C8B: variants seen among roughly 807,000 people sequenced by gnomAD.
C8B encodes complement component C8 beta chain.
In C8B, 67 loss-of-function variants were observed where a neutral mutation model predicts 64.6. The ratio of observed to expected loss-of-function variants is 1.04; its 90% CI spans 0.85 to 1.27. The LOEUF (loss-of-function observed/expected upper bound fraction) is 1.27. C8B is among the 50% of genes most tolerant of loss of function. The pLI, the probability that C8B is intolerant of heterozygous loss-of-function variation, is 0.00. For synonymous variants in C8B, 284 were observed against 257.7 expected (o/e 1.10, Z -0.98); for missense variants, 790 against 725.2 (o/e 1.09, Z -1.03).
chr1:56,962,752 C>T (rs1645196069), intron 1 of C8B, among the ~76,000 whole-genome samples: 1 of 152,280 alleles, frequency 6.6e-6, no homozygotes, highest in Admixed American at 6.5e-5. Context: ...CCCACCTTAC[C>T]CCCAGAGGGG....
At chr1:56,943,871 T>A in intron 7 of C8B, 47 bp from the exon 8 acceptor site, 2 of 1,608,710 alleles carry the variant, frequency 1.2e-6, no homozygotes, top group Non-Finnish European at 1.7e-6. Flanking sequence ...GGTAGTTCAC[T>A]CTGTCCCTTT....
In C8B at chr1:56,964,274, A is replaced by T. The variant is rs150683548; in HGVS notation, c.92+1583T>A. On this transcript the variant is annotated intron_variant, in intron 1 of 11. Coordinates refer to ENST00000371237, the MANE Select transcript of C8B (RefSeq NM_000066.4). ...CCTAATATATATATTTGATCGTGTC[A>T]CTCCTTTGCTTCAACTCTTCAATGG... is the stretch of plus-strand genomic sequence containing the variant. Among the ~76,000 whole-genome samples the T allele has an allele frequency of 7.2e-3, 1,089 of 151,994 alleles. 11 individuals carry two copies. Among genetic ancestry groups the T allele is most frequent in the African/African-American group, 0.024 (996 of 41,430 alleles).
intron 8 of C8B, among the ~76,000 whole-genome samples, chr1:56,942,104 T>G (rs1313387647): frequency 6.6e-6 from 1 of 152,254 alleles, no homozygotes; most frequent in Non-Finnish European, 1.5e-5. Context: ...TGAATGCATT[T>G]GATCTTCACT....
intron 9 of C8B, among the ~76,000 whole-genome samples, chr1:56,934,434 T>G (rs1644747389): frequency 6.6e-6 from 1 of 152,106 alleles, no homozygotes; most frequent in African/African-American, 2.4e-5. Context: ...GTGGCATTAT[T>G]TGTGGGTTAG....
chr1:56,953,339 A>AT, intron 4 of C8B, among the ~76,000 whole-genome samples: 1 of 152,330 alleles, frequency 6.6e-6, no homozygotes, highest in Middle Eastern at 3.4e-3. Flanking sequence ...ATGTATACAT[A>AT]TTTATTTTCT....
chr1:56,958,661 G>A (rs535815902), intron 2 of C8B, among the ~76,000 whole-genome samples: 6 of 152,272 alleles, frequency 3.9e-5, no homozygotes, highest in South Asian at 2.1e-4. Flanking sequence ...GAACGTCTGC[G>A]GCAGACTCTG....
chr1:56,965,992 T>C lies in C8B; in HGVS notation c.-44A>G. ...GATGCCACAGAGGCTGCTAGACCCA[T>C]AACAAGCCTGTGCTGTGAGTGCCAC... On this transcript the variant is annotated 5_prime_UTR_variant, in exon 1 of 12. It removes an upstream start codon present in the reference 5' UTR. Coordinates refer to ENST00000371237, the MANE Select transcript of C8B (RefSeq NM_000066.4). 1.2e-6 allele frequency: 2 copies of C among 1,612,558 alleles called. No individual in the cohort carries two copies. The highest frequency in any genetic ancestry group is 8.5e-7 in the Non-Finnish European group (1 of 1,179,934).
At chr1:56,944,509 T>C (rs559994594) in intron 7 of C8B, among the ~76,000 whole-genome samples, 11 of 152,296 alleles carry the variant, frequency 7.2e-5, no homozygotes, top group Non-Finnish European at 1.0e-4. Flanking sequence ...AAAGTGCATT[T>C]CTTGAAACAT....
At chr1:56,945,789 T>G (rs780193302) in intron 7 of C8B, 32 bp downstream of exon 7, 2 of 1,613,872 alleles carry the variant, frequency 1.2e-6, no homozygotes, top group South Asian at 2.2e-5. Flanking sequence ...CCCCCAGCTT[T>G]TAGGAAAGCC....
intron 8 of C8B, among the ~76,000 whole-genome samples, chr1:56,941,484 G>T (rs1181523166): frequency 6.7e-6 from 1 of 149,156 alleles, no homozygotes; most frequent in Non-Finnish European, 1.5e-5. Context: ...ATAGATAATA[G>T]TAGATAATAG....
Position 56,933,346 on chromosome 1 carries a change from G to A in C8B, c.1541C>T (p.Pro514Leu), listed in dbSNP as rs1262020940. Residue 514 changes from proline to leucine, a missense_variant, in exon 10 of 12, where the codon CCT becomes CTT. Transcript: ENST00000371237. ...CCTGAAAGTGGTACCTTTCAGGACAGGGACTCCATTTCCTTGGCAGGGAGC... is the reference window on the plus strand; with the variant it reads ...CCTGAAAGTGGTACCTTTCAGGACAAGGACTCCATTTCCTTGGCAGGGAGC... ...HCAPCQGNGV[P>L]VLKGSRCDCI... The A allele has an allele frequency of 6.2e-7, 1 of 1,613,572 alleles. No homozygotes were observed. The highest frequency in any genetic ancestry group is 8.5e-7 in the Non-Finnish European group (1 of 1,179,674).
intron 4 of C8B, among the ~76,000 whole-genome samples, chr1:56,952,923 C>T (rs565552690): frequency 3.9e-5 from 6 of 152,336 alleles, no homozygotes; most frequent in Non-Finnish European, 8.8e-5. Flanking sequence ...GTCACCCTCA[C>T]TATACTGTGT....
chr1:56,962,549 T>TA (rs1645193767), intron 1 of C8B, among the ~76,000 whole-genome samples: 1 of 152,208 alleles, frequency 6.6e-6, no homozygotes. Context: ...CTTCTGTCAT[T>TA]AAAAATCCTC....
chr1:56,948,555 G>A (rs192669351), intron 6 of C8B, among the ~76,000 whole-genome samples: 81 of 152,310 alleles, frequency 5.3e-4, no homozygotes, highest in Non-Finnish European at 1.0e-3. Context: ...GTTTAACCAA[G>A]AGGTTAGAAG....
rs747647469 is a variant in C8B, at chr1:56,956,798, C to G, written c.362G>C (p.Arg121Pro). 4 of 1,613,914 alleles carry G rather than the reference C, an allele frequency of 2.5e-6. No homozygotes were observed. Among genetic ancestry groups the G allele is most frequent in the South Asian group, 1.1e-5 (1 of 91,078 alleles). Residue 121 changes from arginine (R) to proline (P), a missense_variant, in exon 3 of 12, where the codon CGA (arginine) becomes CCA (proline). Coordinates refer to ENST00000371237, the MANE Select transcript of C8B (RefSeq NM_000066.4). ...CTGTGCACACACAAAGCCTTCACAT[C>G]GCACTTGACTTCCGCATGGTCTGTT... ...VTNRPCGSQV[R>P]CEGFVCAQTG...
At chr1:56,941,052 C>A (rs1161245075) in intron 8 of C8B, 40 bp from the exon 9 acceptor site, 1 of 1,609,428 alleles carries the variant, frequency 6.2e-7, no homozygotes, top group South Asian at 1.1e-5. Flanking sequence ...AGAAGATATC[C>A]CTTTGCCCCC....
chr1:56,953,316 A>G (rs1197925287), intron 4 of C8B, among the ~76,000 whole-genome samples: 1 of 152,206 alleles, frequency 6.6e-6, no homozygotes, highest in Admixed American at 6.5e-5. Context: ...GACATATTCC[A>G]TGTATCAAAA....
chr1:56,961,563 G>A (rs1459006915), intron 1 of C8B, among the ~76,000 whole-genome samples: 2 of 152,140 alleles, frequency 1.3e-5, no homozygotes, highest in Non-Finnish European at 2.9e-5. Context: ...TGCCTGGAAG[G>A]AAACAGGGCC....
At chr1:56,946,106 G>A (rs41286852) in intron 6 of C8B, 45 bp from the exon 7 acceptor site, 28,284 of 1,610,976 alleles carry the variant, frequency 0.018, 384 homozygotes, top group Admixed American at 0.058. Context: ...TTAAAGTTAG[G>A]AATCTGGAAC....
Sources: allele counts gnomAD v4.1 joint callset (sites outside exome capture counted in the v4.1 genomes callset), GRCh38; gene constraint gnomAD v4.1.1; transcripts MANE v1.5; gene names NCBI Gene and HGNC (gene_info 2026-07-23, HGNC 2026-07-21).